Variants in ZNF695 observed in about 807,000 individuals in gnomAD.
ZNF695 encodes the protein zinc finger protein SBZF3.
ZNF695 carries 11 observed loss-of-function variants against 11.2 expected under a neutral mutation model. That is an observed-to-expected ratio of 0.98 (90% CI 0.62 to 1.62). The LOEUF (loss-of-function observed/expected upper bound fraction) is 1.62, where lower values mean the gene tolerates loss of function less well. ZNF695 is among the 40% of genes most tolerant of loss of function. The pLI is 0.00. For synonymous variants in ZNF695, 190 were observed against 201.4 expected, an observed-to-expected ratio of 0.94 and a Z score of 0.48; for missense variants, 559 against 590.5, an observed-to-expected ratio of 0.95 and a Z score of 0.55.
intron 4 of ZNF695, chr1:246,979,812 T>A (rs1242734616): frequency 6.5e-6 from 1 of 152,718 alleles, no homozygotes; most frequent in Non-Finnish European, 1.5e-5. Context: ...TTAAAATACG[T>A]CATTCTAAAT....
intron 5 of ZNF695, among the ~76,000 whole-genome samples, chr1:246,949,703 A>G (rs1223806335): frequency 2.6e-5 from 4 of 151,726 alleles, no homozygotes; most frequent in African/African-American, 9.7e-5. Context: ...TGATCTTTCC[A>G]CCTCATCAAA....
intron 5 of ZNF695, among the ~76,000 whole-genome samples, chr1:246,947,149 A>C (rs1217652452): frequency 6.7e-6 from 1 of 149,914 alleles, no homozygotes; most frequent in Non-Finnish European, 1.5e-5. Context: ...AAAAAAAAAA[A>C]AAAAAAATCA....
intron 5 of ZNF695, among the ~76,000 whole-genome samples, chr1:246,953,484 G>A (rs894246394): frequency 2.6e-5 from 4 of 151,986 alleles, no homozygotes; most frequent in Admixed American, 1.3e-4. Flanking sequence ...GGTGGCACAC[G>A]CCTGTAGTCC....
In ZNF695 at chr1:246,972,931, G is replaced by GTATATA. The variant is rs57441901; in HGVS notation, c.391-5145_391-5140dup. 2.0e-3 allele frequency among the ~76,000 whole-genome samples: 291 copies of GTATATA among 145,150 alleles called. 1 individual carries two copies. Among genetic ancestry groups the GTATATA allele is most frequent in the Non-Finnish European group, 2.9e-3 (192 of 66,342 alleles). On this transcript the variant is annotated intron_variant, in intron 4 of 5. Transcript: ENST00000487338. ...TGATGTCAACTTATATTTTTAATGT[G>GTATATA]TATATATATATATATATATACTATA...
Position 246,987,892 on chromosome 1 carries a change from C to G in ZNF695, c.623G>C (p.Gly208Ala). 1.9e-6 allele frequency: 3 copies of G among 1,609,428 alleles called. No homozygotes were observed. The highest frequency in any genetic ancestry group is 2.5e-6 in the Non-Finnish European group (3 of 1,178,648). Reference sequence around the variant, plus strand: ...TTTTTTACATTGGTACGGGTTCTCTCCAATATGGATTCTCTGCTGTTGAGT... The same window carrying G: ...TTTTTTACATTGGTACGGGTTCTCTGCAATATGGATTCTCTGCTGTTGAGT... Reference protein sequence around the residue: ...IMTQQQRIHIGENPYQCKKCG... With the variant: ...IMTQQQRIHIAENPYQCKKCG... The change falls in exon 4 of 4, where the codon GGA becomes GCA. Residue 208 changes from glycine (G) to alanine (A), a missense_variant. Gly to Ala is a moderately conservative substitution (Grantham distance 60, BLOSUM62 0). Transcript: ENST00000339986.
rs6143721 is a variant in ZNF695 at position 246,998,977 on chromosome 1, AAT to A, written c.259+369_259+370del. On this transcript the variant is annotated intron_variant, in intron 3 of 3. Coordinates refer to ENST00000339986, the MANE Select transcript of ZNF695 (RefSeq NM_020394.5). The stretch of plus-strand genomic sequence containing the variant: ...AACGAGACTCTGTCTCAAGAAAACA[AAT>A]ATATATATATATATATATATATATA... Among the ~76,000 whole-genome samples, 1,062 of 144,012 alleles carry A rather than the reference AAT, an allele frequency of 7.4e-3. 12 individuals carry two copies. Among genetic ancestry groups the A allele is most frequent in the South Asian group, 0.065 (266 of 4,094 alleles). The allele number at this position is 144,012 out of a possible 152,430, so 94.5% of individuals were successfully genotyped here.
At chr1:246,958,817 A>G (rs1668073984) in intron 5 of ZNF695, among the ~76,000 whole-genome samples, 1 of 152,168 alleles carries the variant, frequency 6.6e-6, no homozygotes, top group Non-Finnish European at 1.5e-5. Flanking sequence ...CAGCCATAGT[A>G]ACACGCGGGG....
At chr1:246,980,113 A>T (rs1668667967) in intron 4 of ZNF695, 1 of 140,294 alleles carries the variant, frequency 7.1e-6, no homozygotes, top group Non-Finnish European at 1.5e-5. Context: ...TGGGACGCGG[A>T]GCTTGCAGTG....
intron 1 of ZNF695, among the ~76,000 whole-genome samples, chr1:247,006,764 TG>T (rs1669552813): frequency 6.6e-6 from 1 of 152,248 alleles, no homozygotes; most frequent in Non-Finnish European, 1.5e-5. Context: ...AACAGAGTCC[TG>T]GATTTGAGGT....
downstream of ZNF695, among the ~76,000 whole-genome samples, chr1:246,982,372 A>T (rs569550756): frequency 6.2e-4 from 95 of 152,254 alleles, no homozygotes; most frequent in African/African-American, 2.2e-3. Context: ...TTCTGCATGG[A>T]AACATAAGGT....
chr1:246,979,875 A>G (rs1329121652), intron 4 of ZNF695: 1 of 152,748 alleles, frequency 6.5e-6, no homozygotes, highest in Non-Finnish European at 1.5e-5. Flanking sequence ...TTACTCATAT[A>G]AAAATCTTAT....
At chr1:246,965,525 T>C (rs1333384516) in intron 5 of ZNF695, among the ~76,000 whole-genome samples, 1 of 151,962 alleles carries the variant, frequency 6.6e-6, no homozygotes, top group African/African-American at 2.4e-5. Context: ...TCGCCTAAGG[T>C]CAGGAGTTCA....
At chr1:246,965,669 G>A (rs1668271836) in intron 5 of ZNF695, among the ~76,000 whole-genome samples, 2 of 152,000 alleles carry the variant, frequency 1.3e-5, no homozygotes, top group Admixed American at 6.6e-5. Context: ...CCCGGGAGGT[G>A]GAGGGTGCAA....
rs975340916 is a variant in ZNF695 at position 247,000,175 on chromosome 1, G to C, written c.4-101C>G. The C allele has an allele frequency of 1.7e-5, 16 of 961,468 alleles. No individual in the cohort carries two copies. In the African/African-American group the frequency reaches 2.7e-4, roughly 16 times the overall value. The allele number at this position is 961,468 out of a possible 1,614,324, so 59.6% of individuals were successfully genotyped here. On this transcript the variant is annotated intron_variant, in intron 1 of 3. Coordinates refer to ENST00000339986, the MANE Select transcript of ZNF695 (RefSeq NM_020394.5). ...AGAGAACTGGCTCTGACTTATATGAGTGACTAGAATTATCAAATAAGATAA... is the reference window on the plus strand; with the variant it reads ...AGAGAACTGGCTCTGACTTATATGACTGACTAGAATTATCAAATAAGATAA...
At chr1:247,001,331 G>T (rs1022449596) in intron 1 of ZNF695, among the ~76,000 whole-genome samples, 1 of 151,990 alleles carries the variant, frequency 6.6e-6, no homozygotes, top group Non-Finnish European at 1.5e-5. Context: ...GGAGGCCAAA[G>T]TGGGAGACTC....
chr1:246,982,465 T>G (rs574924136), downstream of ZNF695, among the ~76,000 whole-genome samples: 1 of 152,312 alleles, frequency 6.6e-6, no homozygotes, highest in African/African-American at 2.4e-5. Flanking sequence ...AAGATACATT[T>G]GCTCTTCAGA....
rs563330938 is a variant in ZNF695, at chr1:246,950,328, C to G, written c.489-4501G>C. Among the ~76,000 whole-genome samples, 7 of 152,256 alleles carry G rather than the reference C, an allele frequency of 4.6e-5. No individual in the cohort carries two copies. In the South Asian group the frequency reaches 1.4e-3, roughly 32 times the overall value. ...ACTGAAAAGATTCAGACTTGCCATTCTTTTTGATTATATATAATCCTTTAA... is the reference window on the plus strand; with the variant it reads ...ACTGAAAAGATTCAGACTTGCCATTGTTTTTGATTATATATAATCCTTTAA... On this transcript the variant is annotated intron_variant, in intron 5 of 5. Coordinates refer to the ZNF695 transcript ENST00000487338.
At chr1:247,006,298 G>A (rs1205603320) in intron 1 of ZNF695, among the ~76,000 whole-genome samples, 1 of 150,962 alleles carries the variant, frequency 6.6e-6, no homozygotes, top group Non-Finnish European at 1.5e-5. Context: ...TTAAAATCTT[G>A]CATCTGTTTG....
At chr1:246,984,468 CCT>C, downstream of ZNF695, among the ~76,000 whole-genome samples, 1 of 152,232 alleles carries the variant, frequency 6.6e-6, no homozygotes, top group East Asian at 1.9e-4. Context: ...AGGTCTTCAT[CCT>C]GGATATTTCC....
Sources: allele counts gnomAD v4.1 joint callset (sites outside exome capture counted in the v4.1 genomes callset), GRCh38; gene constraint gnomAD v4.1.1; transcripts MANE v1.5; gene names NCBI Gene and HGNC (gene_info 2026-07-23, HGNC 2026-07-21).